Variants in VHL observed in about 807,000 individuals in gnomAD.
VHL encodes the protein von Hippel-Lindau tumor suppressor.
Under a neutral mutation model 19.2 loss-of-function variants are expected in VHL, and 10 were observed. The ratio of observed to expected loss-of-function variants is 0.52; its 90% CI spans 0.32 to 0.89. VHL has a LOEUF of 0.89. Among genes scored for constraint, VHL ranks in the 40% least tolerant of loss-of-function variants. The pLI, the probability that VHL is intolerant of heterozygous loss-of-function variation, is 0.03. For missense variants in VHL, 328 were observed against 292.7 expected (o/e 1.12, Z -0.88); for synonymous variants, 167 against 129.5 (o/e 1.29, Z -1.97).
intron 2 of VHL, among the ~76,000 whole-genome samples, chr3:10,148,017 G>T (rs192374): frequency 6.6e-6 from 1 of 151,748 alleles, no homozygotes; most frequent in Non-Finnish European, 1.5e-5. Context: ...GATCCCTTGA[G>T]CCCAGGAGTT....
rs1317524548 is a variant in VHL at position 10,151,212 on chromosome 3, G to A, written c.*1247G>A. 3 of 201,892 alleles carry A rather than the reference G, an allele frequency of 1.5e-5. No homozygotes were observed. The Admixed American group carries it at 1.8e-4, about 12-fold the overall frequency. 12.5% of individuals were successfully genotyped at this position (201,892 alleles called of 1,614,324 possible). On this transcript the variant is annotated 3_prime_UTR_variant, in exon 3 of 3. Coordinates refer to ENST00000256474, the MANE Select transcript of VHL (RefSeq NM_000551.4). Reference sequence around the variant, plus strand: ...AGCATTTTTTATCAGGCAGGACCAGGTGGCACTTCCACCTCCAGCCTCTGG... The same window carrying A: ...AGCATTTTTTATCAGGCAGGACCAGATGGCACTTCCACCTCCAGCCTCTGG...
At position 10,147,935 on chromosome 3, in the gene VHL, A is replaced by AT. The variant is rs1553620135; in HGVS notation, c.463+1308dup. The stretch of plus-strand genomic sequence containing the variant: ...AGTGAGACCCCAGCTCCACAAAAAA[A>AT]TTTTTTTTTAATTACCTGGGCATCT... On this transcript the variant is annotated intron_variant, in intron 2 of 2. Transcript: ENST00000256474. Among the ~76,000 whole-genome samples, 10 of 151,306 alleles carry AT rather than the reference A, an allele frequency of 6.6e-5. No individual in the cohort carries two copies. In the South Asian group the frequency reaches 2.1e-3, roughly 32 times the overall value.
intron 1 of VHL, among the ~76,000 whole-genome samples, chr3:10,143,907 A>G (rs911290321): frequency 3.3e-5 from 5 of 152,220 alleles, no homozygotes; most frequent in Non-Finnish European, 7.3e-5. Context: ...GGCCTTACCT[A>G]AGGTGCAGGC....
At chr3:10,144,637 A>G (rs1488492574) in intron 1 of VHL, among the ~76,000 whole-genome samples, 1 of 151,708 alleles carries the variant, frequency 6.6e-6, no homozygotes, top group Non-Finnish European at 1.5e-5. Context: ...CAGCTTCCCA[A>G]AGTAGCTGGG....
In VHL at chr3:10,150,245, A is replaced by G. The variant is rs886057705; in HGVS notation, c.*280A>G. The G allele has an allele frequency of 4.5e-6, 6 of 1,328,458 alleles. No individual in the cohort carries two copies. In the African/African-American group the frequency reaches 7.4e-5, roughly 16 times the overall value. 82.3% of individuals were successfully genotyped at this position (1,328,458 alleles called of 1,614,324 possible). On this transcript the variant is annotated 3_prime_UTR_variant, in exon 3 of 3. Transcript: ENST00000256474. ...TTCCTAGTAAGTCAGGACAGCTTGT[A>G]TGTAAGGAGGTTTGTATAAGTAATT...
intron 1 of VHL, 77 bp from the exon 2 acceptor site, chr3:10,146,437 G>T: frequency 2.5e-6 from 4 of 1,597,528 alleles, no homozygotes; most frequent in Non-Finnish European, 3.4e-6. Context: ...GCCTCCCAAA[G>T]TGCTGGGATT....
chr3:10,147,354 G>A (rs1327101669), intron 2 of VHL, among the ~76,000 whole-genome samples: 4 of 102,876 alleles, frequency 3.9e-5, no homozygotes, highest in African/African-American at 1.5e-4. Flanking sequence ...GTGCCAATCA[G>A]AGGTGTTTTT....
intron 1 of VHL, among the ~76,000 whole-genome samples, chr3:10,143,694 G>C (rs944005025): frequency 2.0e-5 from 3 of 152,172 alleles, no homozygotes; most frequent in African/African-American, 7.2e-5. Context: ...TGATCTGCCT[G>C]CTTCGGCCTC....
intron 1 of VHL, 117 bp from the exon 2 acceptor site, chr3:10,146,397 A>G: frequency 7.2e-7 from 1 of 1,381,432 alleles, no homozygotes; most frequent in Non-Finnish European, 1.0e-6. Flanking sequence ...GACGGTCTTG[A>G]TCTCCTGACC....
chr3:10,145,271 T>G (rs536029284), intron 1 of VHL, among the ~76,000 whole-genome samples: 3 of 152,278 alleles, frequency 2.0e-5, no homozygotes, highest in African/African-American at 7.2e-5. Flanking sequence ...TTTCTTAAAA[T>G]TTCCCATCAA....
chr3:10,150,544 G>A lies in VHL; in HGVS notation c.*579G>A. The A allele has an allele frequency of 3.7e-6, 1 of 272,890 alleles. No individual in the cohort carries two copies. Among genetic ancestry groups the A allele is most frequent in the Non-Finnish European group, 6.7e-6 (1 of 149,164 alleles). 16.9% of individuals were successfully genotyped at this position (272,890 alleles called of 1,614,324 possible). A position where few individuals can be genotyped will look rare whatever the true frequency, so the allele number is the denominator to read the frequency against. ...GCTTAGAGGTTCTGCCTCTATTTTTGTTGGGGGGTGGGAGAGGGGACCTTA... is the reference window on the plus strand; with the variant it reads ...GCTTAGAGGTTCTGCCTCTATTTTTATTGGGGGGTGGGAGAGGGGACCTTA... On this transcript the variant is annotated 3_prime_UTR_variant, in exon 3 of 3. Coordinates refer to ENST00000256474, the MANE Select transcript of VHL (RefSeq NM_000551.4).
At chr3:10,144,763 A>T (rs1678593) in intron 1 of VHL, among the ~76,000 whole-genome samples, 86,515 of 151,682 alleles carry the variant, frequency 0.57, 27,788 homozygotes, top group East Asian at 0.79. Flanking sequence ...TTATTTTTTT[A>T]AAATTTTTTA....
At chr3:10,148,702 A>T (rs1216393794) in intron 2 of VHL, among the ~76,000 whole-genome samples, 3 of 136,336 alleles carry the variant, frequency 2.2e-5, no homozygotes, top group Non-Finnish European at 4.7e-5. Context: ...TTTTTGAGAC[A>T]GAGTCTCACT....
In VHL at chr3:10,151,740, C is replaced by T. The variant is rs990125249; in HGVS notation, c.*1775C>T. Reference sequence around the variant, plus strand: ...TTGGCATGCATCTTTAATTCCTTATCCTAGCCTTTGGGCACAATTCCTGTG... The same window carrying T: ...TTGGCATGCATCTTTAATTCCTTATTCTAGCCTTTGGGCACAATTCCTGTG... On this transcript the variant is annotated 3_prime_UTR_variant, in exon 3 of 3. Coordinates refer to ENST00000256474, the MANE Select transcript of VHL (RefSeq NM_000551.4). 4.9e-6 allele frequency: 1 copy of T among 205,870 alleles called. No homozygotes were observed. The highest frequency in any genetic ancestry group is 9.9e-6 in the Non-Finnish European group (1 of 100,906). 12.8% of individuals were successfully genotyped at this position (205,870 alleles called of 1,614,324 possible).
In VHL at chr3:10,149,678, CT is replaced by C. The variant is rs1696351547; in HGVS notation, c.464-108del. 2.9e-5 allele frequency: 29 copies of C among 986,246 alleles called. No homozygotes were observed. In the South Asian group the frequency reaches 3.6e-4, roughly 12 times the overall value. 61.1% of individuals were successfully genotyped at this position (986,246 alleles called of 1,614,324 possible). On this transcript the variant is annotated intron_variant, in intron 2 of 2. Coordinates refer to ENST00000256474, the MANE Select transcript of VHL (RefSeq NM_000551.4). Reference sequence around the variant, plus strand: ...CATGCACTCACTTTTTTTCTTTAACCTAAAGTGAGATCCATCAGTAGTACAG... The same window carrying C: ...CATGCACTCACTTTTTTTCTTTAACCAAAGTGAGATCCATCAGTAGTACAG...
intron 1 of VHL, among the ~76,000 whole-genome samples, chr3:10,145,774 T>C (rs1696241126): frequency 6.6e-6 from 1 of 152,074 alleles, no homozygotes. Context: ...GCACAGATCT[T>C]AGGGTTTGAT....
rs1260006587 is a variant in VHL, at chr3:10,153,105, G to T, written c.*3140G>T. 6.6e-6 allele frequency among the ~76,000 whole-genome samples: 1 copy of T among 152,048 alleles called. No individual in the cohort carries two copies. The highest frequency in any genetic ancestry group is 1.5e-5 in the Non-Finnish European group (1 of 68,000). On this transcript the variant is annotated 3_prime_UTR_variant, in exon 3 of 3. Coordinates refer to ENST00000256474, the MANE Select transcript of VHL (RefSeq NM_000551.4). ...TCCTGGCTAACACGGGTGAAACCCCGTCTCTATTAAAAAATAGAAAAAATT... is the reference window on the plus strand; with the variant it reads ...TCCTGGCTAACACGGGTGAAACCCCTTCTCTATTAAAAAATAGAAAAAATT...
In VHL at chr3:10,149,901, A is replaced by T. The variant is rs879254225; in HGVS notation, c.578A>T (p.Asn193Ile). The change falls in exon 3 of 3, where the codon AAT becomes ATT. Residue 193 changes from asparagine to isoleucine, a missense_variant. Asn to Ile is a moderately radical substitution (Grantham distance 149). Transcript: ENST00000256474. Reference protein sequence around the residue: ...SLYEDLEDHPNVQKDLERLTQ... With the variant: ...SLYEDLEDHPIVQKDLERLTQ... ...TACGAAGATCTGGAAGACCACCCAAATGTGCAGAAAGACCTGGAGCGGCTG... is the reference window on the plus strand; with the variant it reads ...TACGAAGATCTGGAAGACCACCCAATTGTGCAGAAAGACCTGGAGCGGCTG... 6.2e-7 allele frequency: 1 copy of T among 1,614,170 alleles called. No homozygotes were observed. The highest frequency in any genetic ancestry group is 8.5e-7 in the Non-Finnish European group (1 of 1,180,020).
At chr3:10,145,496 G>C (rs923162824) in intron 1 of VHL, among the ~76,000 whole-genome samples, 3 of 151,988 alleles carry the variant, frequency 2.0e-5, no homozygotes, top group African/African-American at 7.2e-5. Flanking sequence ...ATAAGATCAG[G>C]AGATTGAGAC....
Sources: allele counts gnomAD v4.1 joint callset (sites outside exome capture counted in the v4.1 genomes callset), GRCh38; gene constraint gnomAD v4.1.1; transcripts MANE v1.5; gene names NCBI Gene and HGNC (gene_info 2026-07-23, HGNC 2026-07-21).